FRAS1: variants seen among roughly 807,000 people sequenced by gnomAD.
FRAS1 encodes Fraser extracellular matrix complex subunit 1.
Under a neutral mutation model 435.2 loss-of-function variants are expected in FRAS1, and 290 were observed. The ratio of observed to expected loss-of-function variants is 0.67; its 90% confidence interval spans 0.61 to 0.73. The LOEUF is 0.73. Among genes scored for constraint, FRAS1 ranks in the 30% least tolerant of loss-of-function variants. FRAS1 has a pLI of 0.00. For missense variants in FRAS1, 4,860 were observed against 5,001.5 expected, an observed-to-expected ratio of 0.97 and a Z score of 0.85; for synonymous variants, 1,800 against 1,851.0, an observed-to-expected ratio of 0.97 and a Z score of 0.71.
intron 33 of FRAS1, among the ~76,000 whole-genome samples, chr4:78,421,384 G>T (rs1409834102): frequency 6.6e-6 from 1 of 152,104 alleles, no homozygotes; most frequent in African/African-American, 2.4e-5. Flanking sequence ...CTGACCTCAG[G>T]TGATCCACCC....
chr4:78,148,844 A>G lies in FRAS1; in HGVS notation c.108+82828A>G, dbSNP rs147469437. 9.9e-4 allele frequency among the ~76,000 whole-genome samples: 151 copies of G among 152,308 alleles called. 1 individual carries two copies. Among genetic ancestry groups the G allele is most frequent in the African/African-American group, 3.5e-3 (144 of 41,574 alleles). ...TGACTGTGAATATACAAGGTTTCTG[A>G]AAGTACTGTGAAGTTGCAGAGAGGC... is the stretch of plus-strand genomic sequence containing the variant. On this transcript the variant is annotated intron_variant, in intron 2 of 73. Transcript: ENST00000512123.
At chr4:78,518,765 A>G (rs1721296236) in intron 66 of FRAS1, among the ~76,000 whole-genome samples, 1 of 152,156 alleles carries the variant, frequency 6.6e-6, no homozygotes, top group African/African-American at 2.4e-5. Flanking sequence ...TGAGCTGTCC[A>G]TTGGTGAGCT....
At chr4:78,500,780 G>C (rs1418433919) in intron 61 of FRAS1, among the ~76,000 whole-genome samples, 1 of 152,166 alleles carries the variant, frequency 6.6e-6, no homozygotes, top group Non-Finnish European at 1.5e-5. Flanking sequence ...TTGCTGGAAA[G>C]CTAGATGCCC....
intron 38 of FRAS1, 98 bp downstream of exon 38, chr4:78,432,702 G>T: frequency 1.5e-6 from 2 of 1,367,852 alleles, no homozygotes; most frequent in South Asian, 1.6e-5. Context: ...GGGGCAGCAG[G>T]TATATGGTCA....
intron 14 of FRAS1, among the ~76,000 whole-genome samples, chr4:78,296,739 G>C (rs1728163354): frequency 6.6e-6 from 1 of 152,100 alleles, no homozygotes. Flanking sequence ...AACCTTTCCT[G>C]TAGTCTTTTC....
intron 2 of FRAS1, among the ~76,000 whole-genome samples, chr4:78,178,008 A>G (rs1721846587): frequency 6.6e-6 from 1 of 152,178 alleles, no homozygotes; most frequent in African/African-American, 2.4e-5. Context: ...TCTGGAGGCC[A>G]CAGTCTGAAA....
At chr4:78,516,894 G>A (rs1381611537) in intron 66 of FRAS1, among the ~76,000 whole-genome samples, 1 of 152,150 alleles carries the variant, frequency 6.6e-6, no homozygotes, top group Non-Finnish European at 1.5e-5. Flanking sequence ...ATGAGATTTG[G>A]GTGGGGACAC....
Position 78,464,468 on chromosome 4 carries a change from T to C in FRAS1, c.6914T>C (p.Leu2305Pro). The C allele has an allele frequency of 6.2e-7, 1 of 1,614,000 alleles. No homozygotes were observed. The highest frequency in any genetic ancestry group is 8.5e-7 in the Non-Finnish European group (1 of 1,179,862). Residue 2305 changes from leucine to proline, a missense_variant, in exon 49 of 74, where the codon CTT becomes CCT. Leu to Pro is a moderately conservative substitution (Grantham distance 98). Transcript: ENST00000512123. ...GTGACTCAGACTTTCCATATCACTC[T>C]TCACCCTGTCGATGATTCGCTGCCC... is the stretch of plus-strand genomic sequence containing the variant. ...SEVTQTFHIT[L>P]HPVDDSLPVV... is the part of the protein sequence containing the mutation.
intron 14 of FRAS1, among the ~76,000 whole-genome samples, chr4:78,306,555 C>T (rs369354816): frequency 2.9e-4 from 34 of 118,200 alleles, no homozygotes; most frequent in Middle Eastern, 3.6e-3. Flanking sequence ...GGAGGCTTTG[C>T]TCATTTCTTT....
At position 78,500,875 on chromosome 4, in the gene FRAS1, C is replaced by A. The variant is rs1338554157; in HGVS notation, c.9316+954C>A. The stretch of plus-strand genomic sequence containing the variant: ...GGGGAAAGGATAGGTCTAGAAGGAA[C>A]TTAACCCGGATGTCTGTAGACTAAG... On this transcript the variant is annotated intron_variant, in intron 61 of 73. Transcript: ENST00000512123. Among the ~76,000 whole-genome samples the A allele has an allele frequency of 3.9e-5, 6 of 152,138 alleles. 1 individual carries two copies. The South Asian group carries it at 6.2e-4, about 16-fold the overall frequency.
Position 78,400,843 on chromosome 4 carries a change from C to T in FRAS1, c.4085C>T (p.Ala1362Val), listed in dbSNP as rs1327424770. Residue 1362 changes from alanine to valine, a missense_variant, in exon 30 of 74, where the codon GCT (alanine) becomes GTT (valine). Ala to Val is a moderately conservative substitution (Grantham distance 64). Transcript: ENST00000512123. ...ILQAEAPGAS[A>V]EEIIYKITQD... is the part of the protein sequence containing the mutation. ...CAGGCCGAGGCTCCTGGTGCCAGTG[C>T]TGAAGAAATCATCTACAAGATTACA... 6.2e-7 allele frequency: 1 copy of T among 1,613,708 alleles called. No individual in the cohort carries two copies. Among genetic ancestry groups the T allele is most frequent in the Admixed American group, 1.7e-5 (1 of 59,982 alleles).
At chr4:78,302,034 G>A (rs1282916676) in intron 14 of FRAS1, among the ~76,000 whole-genome samples, 3 of 150,798 alleles carry the variant, frequency 2.0e-5, no homozygotes, top group Non-Finnish European at 4.4e-5. Flanking sequence ...TCACCAGAGT[G>A]TGATGTTCCC....
intron 4 of FRAS1, 76 bp downstream of exon 4, chr4:78,245,401 T>G: frequency 9.5e-7 from 1 of 1,048,508 alleles, no homozygotes; most frequent in Non-Finnish European, 1.4e-6. Context: ...GTTAAACTTG[T>G]GTTGATGAGA....
At chr4:78,285,826 C>T (rs1727562886) in intron 13 of FRAS1, among the ~76,000 whole-genome samples, 1 of 152,088 alleles carries the variant, frequency 6.6e-6, no homozygotes, top group Non-Finnish European at 1.5e-5. Context: ...AGGTTAGGTG[C>T]CTAGCCTGAT....
intron 35 of FRAS1, among the ~76,000 whole-genome samples, chr4:78,425,987 G>A (rs1733985200): frequency 6.6e-6 from 1 of 152,166 alleles, no homozygotes; most frequent in African/African-American, 2.4e-5. Context: ...CTACTCAGAA[G>A]GCTGAGGTGG....
Position 78,387,535 on chromosome 4 carries a change from A to G in FRAS1, c.3809A>G (p.Gln1270Arg), listed in dbSNP as rs1455290299. ...PLHGQLLQTL[Q>R]SPATPIYQFQ... ...CATGGCCAATTGCTTCAGACACTTCAGTCCCCGGCAACCCCTATCTATCAA... is the reference window on the plus strand; with the variant it reads ...CATGGCCAATTGCTTCAGACACTTCGGTCCCCGGCAACCCCTATCTATCAA... The change falls in exon 29 of 74, where the codon CAG becomes CGG. Residue 1270 changes from glutamine to arginine, a missense_variant. Gln to Arg is a conservative substitution (Grantham distance 43). Coordinates refer to ENST00000512123, the MANE Select transcript of FRAS1 (RefSeq NM_025074.7). The G allele has an allele frequency of 1.9e-6, 3 of 1,613,784 alleles. No individual in the cohort carries two copies. The South Asian group carries it at 3.3e-5, about 18-fold the overall frequency.
chr4:78,431,741 A>C (rs1397299937), intron 37 of FRAS1, among the ~76,000 whole-genome samples: 2 of 152,134 alleles, frequency 1.3e-5, no homozygotes, highest in Non-Finnish European at 2.9e-5. Context: ...AAATATCTTA[A>C]ATTTTATTTA....
At chr4:78,402,391 C>G (rs922947656) in intron 30 of FRAS1, among the ~76,000 whole-genome samples, 1 of 151,642 alleles carries the variant, frequency 6.6e-6, no homozygotes, top group Non-Finnish European at 1.5e-5. Flanking sequence ...GCCACCTAAT[C>G]GAGAATTGGT....
intron 6 of FRAS1, among the ~76,000 whole-genome samples, chr4:78,260,572 G>A (rs1726038569): frequency 6.6e-6 from 1 of 151,798 alleles, no homozygotes. Flanking sequence ...AGACTTTGCT[G>A]AAGTTGCTTA....
Sources: allele counts gnomAD v4.1 joint callset (sites outside exome capture counted in the v4.1 genomes callset), GRCh38; gene constraint gnomAD v4.1.1; transcripts MANE v1.5; gene names NCBI Gene and HGNC (gene_info 2026-07-23, HGNC 2026-07-21).